Variants in ADARB2 observed in about 807,000 individuals in gnomAD.
ADARB2 encodes adenosine deaminase RNA specific B2 (inactive).
In ADARB2, 25 loss-of-function variants were observed where a neutral mutation model predicts 62.2. The observed-to-expected ratio is 0.40, with a 90% CI of 0.29 to 0.56. ADARB2 has a LOEUF of 0.56. ADARB2 is among the 20% of genes least tolerant of loss of function. The pLI, the probability that ADARB2 is intolerant of heterozygous loss-of-function variation, is 0.43. For synonymous variants in ADARB2, 572 were observed against 500.8 expected, an observed-to-expected ratio of 1.14 and a Z score of -1.90; for missense variants, 1,071 against 1,077.4, an observed-to-expected ratio of 0.99 and a Z score of 0.08.
intron 1 of ADARB2, among the ~76,000 whole-genome samples, chr10:1,609,089 CCTGGTGCCCGGCGTCG>C (rs1288339098): frequency 6.6e-6 from 1 of 152,210 alleles, no homozygotes; most frequent in African/African-American, 2.4e-5. Flanking sequence ...GAGCAATGTG[CCTGGTGCCCGGCGTCG>C]CTGGCCTTTG....
rs111760839 is a variant in ADARB2 at position 1,223,615 on chromosome 10, G to A, written c.1514-6496C>T. 3.9e-4 allele frequency among the ~76,000 whole-genome samples: 59 copies of A among 152,224 alleles called. 1 individual carries two copies. The highest frequency in any genetic ancestry group is 1.4e-3 in the African/African-American group (58 of 41,528). ...ACGTCCCATCAATACCTAATTTATT[G>A]AGAGTTTTTACCATGAAGGGTTGTT... On this transcript the variant is annotated intron_variant, in intron 6 of 9. Transcript: ENST00000381312.
At position 1,199,878 on chromosome 10, in the gene ADARB2, G is replaced by T. The variant is rs147048704; in HGVS notation, c.1864+88C>A. 1,219 of 1,343,690 alleles carry T rather than the reference G, an allele frequency of 9.1e-4. 10 individuals are homozygous for T. The African/African-American group carries it at 0.016, about 18-fold the overall frequency. 83.2% of individuals were successfully genotyped at this position (1,343,690 alleles called of 1,614,324 possible). A position where few individuals can be genotyped will look rare whatever the true frequency, so the allele number is the denominator to read the frequency against. On this transcript the variant is annotated intron_variant, in intron 8 of 9. Transcript: ENST00000381312. Reference sequence around the variant, plus strand: ...ATTGCCACTAGCCAACATGGATGAAGTCTGCGAGGGATGGCACCGCCGGGC... The same window carrying T: ...ATTGCCACTAGCCAACATGGATGAATTCTGCGAGGGATGGCACCGCCGGGC...
chr10:1,192,369 G>C (rs1836855126), intron 8 of ADARB2, among the ~76,000 whole-genome samples: 1 of 152,136 alleles, frequency 6.6e-6, no homozygotes, highest in Non-Finnish European at 1.5e-5. Context: ...ACACGCTGCG[G>C]GGTCTTTCTC....
intron 3 of ADARB2, among the ~76,000 whole-genome samples, chr10:1,300,603 T>G (rs1301194827): frequency 6.6e-6 from 1 of 152,270 alleles, no homozygotes; most frequent in East Asian, 1.9e-4. Flanking sequence ...CTGTTCAAAA[T>G]GCTTCTTTAG....
rs555677446 is a variant in ADARB2, at chr10:1,184,731, A to G, written c.2043+130T>C. 11 of 1,059,828 alleles carry G rather than the reference A, an allele frequency of 1.0e-5. No individual in the cohort carries two copies. The East Asian group carries it at 1.1e-4, about 11-fold the overall frequency. 65.7% of individuals were successfully genotyped at this position (1,059,828 alleles called of 1,614,324 possible). ...TGGCCTGGGCAGCTGGGAAAAGGACATGTGATGGGCGCTGTGTCGTGCATC... is the reference window on the plus strand; with the variant it reads ...TGGCCTGGGCAGCTGGGAAAAGGACGTGTGATGGGCGCTGTGTCGTGCATC... On this transcript the variant is annotated intron_variant, in intron 9 of 9. Coordinates refer to ENST00000381312, the MANE Select transcript of ADARB2 (RefSeq NM_018702.4).
At chr10:1,328,002 C>T (rs1014328887) in intron 3 of ADARB2, among the ~76,000 whole-genome samples, 4 of 151,148 alleles carry the variant, frequency 2.6e-5, no homozygotes, top group East Asian at 1.9e-4. Flanking sequence ...CACAGCAAGG[C>T]GCCTCCGCAT....
At chr10:1,577,631 G>A (rs2813377) in intron 1 of ADARB2, among the ~76,000 whole-genome samples, 4,694 of 152,226 alleles carry the variant, frequency 0.031, 234 homozygotes, top group African/African-American at 0.11. Context: ...TGGTGAGGGT[G>A]GTGCCCAGGG....
At chr10:1,418,893 T>C (rs941280937) in intron 1 of ADARB2, among the ~76,000 whole-genome samples, 1 of 152,216 alleles carries the variant, frequency 6.6e-6, no homozygotes, top group Non-Finnish European at 1.5e-5. Context: ...GTTTTGTGCG[T>C]GCTGTCGGAA....
Position 1,423,465 on chromosome 10 carries a change from T to TGTTCATGG in ADARB2, c.101-44313_101-44306dup, listed in dbSNP as rs552501444. Among the ~76,000 whole-genome samples, 766 of 152,192 alleles carry TGTTCATGG rather than the reference T, an allele frequency of 5.0e-3. 2 individuals are homozygous for TGTTCATGG. Among genetic ancestry groups the TGTTCATGG allele is most frequent in the African/African-American group, 0.017 (704 of 41,516 alleles). On this transcript the variant is annotated intron_variant, in intron 1 of 9. Transcript: ENST00000381312. ...TGGTCCTGGCAGTGTGGCTGCTGCG[T>TGTTCATGG]GTTCATGGTGCTAGGGGGACTCAAA...
chr10:1,622,900 C>G (rs1833722400), intron 1 of ADARB2, among the ~76,000 whole-genome samples: 1 of 152,188 alleles, frequency 6.6e-6, no homozygotes, highest in Admixed American at 6.5e-5. Context: ...TCATTCATAA[C>G]AAGCAAGAGC....
At chr10:1,481,190 G>C (rs898672224) in intron 1 of ADARB2, among the ~76,000 whole-genome samples, 10 of 152,192 alleles carry the variant, frequency 6.6e-5, no homozygotes, top group Non-Finnish European at 1.0e-4. Context: ...TTTTGACAAA[G>C]GTGCTGCAAC....
intron 1 of ADARB2, among the ~76,000 whole-genome samples, chr10:1,591,285 TG>T (rs1833249699): frequency 6.6e-6 from 1 of 152,226 alleles, no homozygotes; most frequent in Non-Finnish European, 1.5e-5. Flanking sequence ...ACTGCAGGGC[TG>T]CTCGGAGGCT....
rs570484712 is a variant in ADARB2, at chr10:1,398,105, T to C, written c.101-18945A>G. Among the ~76,000 whole-genome samples the C allele has an allele frequency of 2.5e-3, 351 of 140,446 alleles. 3 individuals are homozygous for C. The highest frequency in any genetic ancestry group is 8.5e-3 in the African/African-American group (305 of 35,982). The allele number at this position is 140,446 out of a possible 152,430, so 92.1% of individuals were successfully genotyped here. Reference sequence around the variant, plus strand: ...CACCGCCCTCCTCTCCCCTCCCGAGTGCAGGCTTCCTGGGTCACCATCAGT... The same window carrying C: ...CACCGCCCTCCTCTCCCCTCCCGAGCGCAGGCTTCCTGGGTCACCATCAGT... On this transcript the variant is annotated intron_variant, in intron 1 of 9. Coordinates refer to ENST00000381312, the MANE Select transcript of ADARB2 (RefSeq NM_018702.4). This position sits in a 1 kb window ranked among gnomAD's most constrained non-coding sequence, Gnocchi z 4.1.
chr10:1,418,438 A>G (rs1349431883), intron 1 of ADARB2, among the ~76,000 whole-genome samples: 4 of 152,272 alleles, frequency 2.6e-5, no homozygotes, highest in Middle Eastern at 3.4e-3. Flanking sequence ...GCCTTGTTGT[A>G]TGTGGGTTCT....
chr10:1,659,346 C>G (rs558630273), intron 1 of ADARB2, among the ~76,000 whole-genome samples: 57 of 152,314 alleles, frequency 3.7e-4, no homozygotes, highest in African/African-American at 1.4e-3. Flanking sequence ...CTCACATCCC[C>G]GTCCTGTCTA....
At chr10:1,551,799 C>G (rs10751803) in intron 1 of ADARB2, among the ~76,000 whole-genome samples, 87,452 of 152,054 alleles carry the variant, frequency 0.58, 25,509 homozygotes, top group East Asian at 0.76. Flanking sequence ...GCTTCCGGCT[C>G]TGAATGTCTC....
chr10:1,695,151 T>C (rs1834723467), intron 1 of ADARB2, among the ~76,000 whole-genome samples: 1 of 152,176 alleles, frequency 6.6e-6, no homozygotes, highest in South Asian at 2.1e-4. Flanking sequence ...CAGCCTCAGA[T>C]GGTCAGGTCA....
chr10:1,269,389 T>C, intron 4 of ADARB2, among the ~76,000 whole-genome samples: 1 of 152,194 alleles, frequency 6.6e-6, no homozygotes, highest in East Asian at 1.9e-4. Context: ...CCCCAGAACT[T>C]TGTATGCCAG....
chr10:1,592,098 T>C (rs1307492100), intron 1 of ADARB2, among the ~76,000 whole-genome samples: 2 of 152,192 alleles, frequency 1.3e-5, no homozygotes, highest in Admixed American at 6.5e-5. Flanking sequence ...GAATTCAAGA[T>C]CTTGTTTAGG....
Sources: allele counts gnomAD v4.1 joint callset (sites outside exome capture counted in the v4.1 genomes callset), GRCh38; gene constraint gnomAD v4.1.1; non-coding constraint Gnocchi (gnomAD v3.1); transcripts MANE v1.5; gene names NCBI Gene and HGNC (gene_info 2026-07-23, HGNC 2026-07-21).